CCDC179: variants seen among roughly 807,000 people sequenced by gnomAD.
CCDC179 encodes the protein coiled-coil domain-containing protein 179.
A neutral mutation model predicts 12.0 loss-of-function variants in CCDC179; 17 were observed. That is an observed-to-expected ratio of 1.42 (90% confidence interval 0.97 to 2.13). CCDC179 has a LOEUF of 2.13. Ranked by LOEUF, CCDC179 falls within the 30% of genes most tolerant of loss-of-function variation. The pLI is 0.00. For synonymous variants in CCDC179, 27 were observed against 26.4 expected (o/e 1.02, Z -0.07); for missense variants, 83 against 78.6 (o/e 1.06, Z -0.21).
intron 3 of CCDC179, among the ~76,000 whole-genome samples, chr11:22,848,751 G>T (rs1297544043): frequency 6.6e-6 from 1 of 152,116 alleles, no homozygotes; most frequent in Non-Finnish European, 1.5e-5. Flanking sequence ...GAGATGAAAA[G>T]GTAAAATGAG....
chr11:22,853,704 GGAA>G lies in CCDC179; in HGVS notation c.195+4215_195+4217del, dbSNP rs756604104. Among the ~76,000 whole-genome samples, 27 of 150,788 alleles carry G rather than the reference GGAA, an allele frequency of 1.8e-4. No individual in the cohort carries two copies. In the East Asian group the frequency reaches 3.7e-3, roughly 21 times the overall value. ...AAGAGGAAAAGGATGAAGAGGAAGAGGAAGAAGAAGAAAGAAGAAGGAAGAAGA... is the reference window on the plus strand; with the variant it reads ...AAGAGGAAAAGGATGAAGAGGAAGAGGAAGAAGAAAGAAGAAGGAAGAAGA... On this transcript the variant is annotated intron_variant, in intron 3 of 3. Transcript: ENST00000532798.
At position 22,848,957 on chromosome 11, in the gene CCDC179, TTAAAA is replaced by T. The variant is rs1433968781; in HGVS notation, c.196-1441_196-1437del. 5.3e-5 allele frequency among the ~76,000 whole-genome samples: 8 copies of T among 152,266 alleles called. No individual in the cohort carries two copies. The South Asian group carries it at 1.7e-3, about 32-fold the overall frequency. On this transcript the variant is annotated intron_variant, in intron 3 of 3. Coordinates refer to ENST00000532798, the MANE Select transcript of CCDC179 (RefSeq NM_001195637.2). ...TTATCAATCCACAATGATTTGAAAATTAAAATGAAATGAAACAAAACAAAATTAAA... is the reference window on the plus strand; with the variant it reads ...TTATCAATCCACAATGATTTGAAAATTGAAATGAAACAAAACAAAATTAAA...
intron 1 of CCDC179, 71 bp from the exon 2 acceptor site, chr11:22,859,567 A>G (rs998250908): frequency 3.5e-6 from 3 of 866,104 alleles, no homozygotes; most frequent in Admixed American, 6.0e-5. Context: ...AATTATTATA[A>G]TAGGAAGCCT....
intron 1 of CCDC179, among the ~76,000 whole-genome samples, chr11:22,860,012 G>A (rs1019930370): frequency 1.7e-4 from 26 of 152,102 alleles, no homozygotes; most frequent in Admixed American, 1.0e-3. Context: ...TCCTTCACTC[G>A]TTTTGATCCA....
chr11:22,854,461 G>A (rs1390412847), intron 3 of CCDC179, among the ~76,000 whole-genome samples: 1 of 151,722 alleles, frequency 6.6e-6, no homozygotes, highest in Non-Finnish European at 1.5e-5. Context: ...AAAGGTAACT[G>A]CATTACCCAT....
chr11:22,856,018 A>C lies in CCDC179; in HGVS notation c.195+1904T>G, dbSNP rs143432308. ...TAAATAAGGTTATTATCTATTTAAA[A>C]AATTAATTAATAATTACCAATCTTT... On this transcript the variant is annotated intron_variant, in intron 3 of 3. Coordinates refer to ENST00000532798, the MANE Select transcript of CCDC179 (RefSeq NM_001195637.2). Among the ~76,000 whole-genome samples the C allele has an allele frequency of 6.4e-3, 977 of 151,526 alleles. 11 individuals carry two copies. The highest frequency in any genetic ancestry group is 0.022 in the African/African-American group (934 of 41,526).
intron 3 of CCDC179, among the ~76,000 whole-genome samples, chr11:22,848,638 G>T (rs1858292260): frequency 6.6e-6 from 1 of 152,102 alleles, no homozygotes; most frequent in South Asian, 2.1e-4. Context: ...TACAAAAACT[G>T]TTATTGCATT....
intron 3 of CCDC179, among the ~76,000 whole-genome samples, chr11:22,855,855 C>T (rs1342559635): frequency 2.0e-5 from 3 of 151,172 alleles, no homozygotes; most frequent in African/African-American, 7.3e-5. Context: ...ACCATAACTG[C>T]CAATCCCATG....
intron 3 of CCDC179, among the ~76,000 whole-genome samples, chr11:22,853,582 G>T (rs964852912): frequency 6.7e-5 from 10 of 150,134 alleles, no homozygotes; most frequent in Non-Finnish European, 1.3e-4. Context: ...GGAGAAAAAA[G>T]TATAAAAATA....
At chr11:22,857,515 A>G (rs1037304555) in intron 3 of CCDC179, among the ~76,000 whole-genome samples, 2 of 151,790 alleles carry the variant, frequency 1.3e-5, no homozygotes, top group Admixed American at 6.6e-5. Context: ...TTAACTCGCT[A>G]TGGATCATAA....
chr11:22,854,195 TA>T (rs1355754703), intron 3 of CCDC179, among the ~76,000 whole-genome samples: 1 of 151,688 alleles, frequency 6.6e-6, no homozygotes, highest in South Asian at 2.1e-4. Flanking sequence ...CACACAGCAA[TA>T]GTTAAGAAGT....
At chr11:22,857,370 C>T (rs1252302207) in intron 3 of CCDC179, among the ~76,000 whole-genome samples, 3 of 151,570 alleles carry the variant, frequency 2.0e-5, no homozygotes, top group Non-Finnish European at 4.4e-5. Flanking sequence ...AATATATAGT[C>T]AATAAATCTT....
chr11:22,856,901 A>C (rs7395098), intron 3 of CCDC179, among the ~76,000 whole-genome samples: 55,563 of 151,296 alleles, frequency 0.37, 10,739 homozygotes, highest in East Asian at 0.64. Flanking sequence ...ATTTGAATGC[A>C]AAGTGAAAAA....
chr11:22,859,579 T>C, intron 1 of CCDC179, 83 bp from the exon 2 acceptor site: 1 of 751,444 alleles, frequency 1.3e-6, no homozygotes, highest in Non-Finnish European at 1.9e-6. Flanking sequence ...AGGAAGCCTA[T>C]GCTACTTTTA....
intron 1 of CCDC179, 43 bp from the exon 2 acceptor site, chr11:22,859,539 C>A: frequency 1.7e-6 from 2 of 1,184,196 alleles, no homozygotes; most frequent in South Asian, 4.2e-5. Flanking sequence ...ACAAAAAAGT[C>A]ATTAAAAACA....
chr11:22,857,266 T>G (rs1463478947), intron 3 of CCDC179, among the ~76,000 whole-genome samples: 1 of 151,674 alleles, frequency 6.6e-6, no homozygotes, highest in Non-Finnish European at 1.5e-5. Context: ...ATTTCTAGAC[T>G]TATTGTAAAT....
At chr11:22,850,796 G>A (rs1293257738) in intron 3 of CCDC179, among the ~76,000 whole-genome samples, 5 of 150,896 alleles carry the variant, frequency 3.3e-5, no homozygotes, top group African/African-American at 1.2e-4. Context: ...TGAATCAAGA[G>A]GTACAGGGTT....
At chr11:22,854,412 T>C (rs1300772221) in intron 3 of CCDC179, among the ~76,000 whole-genome samples, 1 of 151,812 alleles carries the variant, frequency 6.6e-6, no homozygotes, top group East Asian at 1.9e-4. Context: ...ACAATAATGT[T>C]ATGAAGAATA....
intron 3 of CCDC179, among the ~76,000 whole-genome samples, chr11:22,850,971 T>TATAC (rs1554920524): frequency 1.7e-4 from 3 of 17,210 alleles, no homozygotes; most frequent in Non-Finnish European, 3.8e-4. Context: ...TATATATATA[T>TATAC]ATATATTTTT....
Sources: allele counts gnomAD v4.1 joint callset (sites outside exome capture counted in the v4.1 genomes callset), GRCh38; gene constraint gnomAD v4.1.1; transcripts MANE v1.5; gene names NCBI Gene and HGNC (gene_info 2026-07-23, HGNC 2026-07-21).